SEMA6D: variants seen among roughly 807,000 people sequenced by gnomAD.
SEMA6D encodes the protein semaphorin 6D.
SEMA6D carries 35 observed loss-of-function variants against 106.6 expected under a neutral mutation model. That is an observed-to-expected ratio of 0.33 (90% CI 0.25 to 0.44). The LOEUF (loss-of-function observed/expected upper bound fraction) is 0.44, where lower values mean the gene tolerates loss of function less well. Ranked by LOEUF, SEMA6D falls within the 20% of genes least tolerant of loss-of-function variation. SEMA6D has a pLI of 1.00. For synonymous variants in SEMA6D, 499 were observed against 487.7 expected (o/e 1.02, Z -0.31); for missense variants, 1,185 against 1,345.9 (o/e 0.88, Z 1.87).
chr15:47,317,540 C>G (rs960913196), intron 1 of SEMA6D, among the ~76,000 whole-genome samples: 3 of 152,138 alleles, frequency 2.0e-5, no homozygotes, highest in Non-Finnish European at 4.4e-5. Context: ...TCTTACAAGG[C>G]AGGTCTACTG....
At chr15:47,214,220 G>A (rs1243159328) in intron 1 of SEMA6D, among the ~76,000 whole-genome samples, 1 of 152,166 alleles carries the variant, frequency 6.6e-6, no homozygotes, top group Non-Finnish European at 1.5e-5. Flanking sequence ...TAATTAGACT[G>A]TTTAAGTGTA....
chr15:47,553,758 T>A (rs1188596327), intron 3 of SEMA6D, among the ~76,000 whole-genome samples: 1 of 151,878 alleles, frequency 6.6e-6, no homozygotes, highest in Non-Finnish European at 1.5e-5. Flanking sequence ...AAAAAAAAAA[T>A]TAAATGTCTG....
intron 1 of SEMA6D, among the ~76,000 whole-genome samples, chr15:47,193,307 C>T (rs1211514144): frequency 2.6e-5 from 4 of 152,142 alleles, no homozygotes; most frequent in South Asian, 2.1e-4. Flanking sequence ...ATACGAAATG[C>T]TCCAAGATCT....
At chr15:47,379,712 T>C (rs1346078286) in intron 1 of SEMA6D, among the ~76,000 whole-genome samples, 1 of 152,194 alleles carries the variant, frequency 6.6e-6, no homozygotes, top group African/African-American at 2.4e-5. Flanking sequence ...ACATGAAATG[T>C]AAAGTGCTGA....
chr15:47,277,609 A>ATTAT (rs1555414606), intron 1 of SEMA6D, among the ~76,000 whole-genome samples: 3,977 of 128,560 alleles, frequency 0.031, 97 homozygotes, highest in South Asian at 0.12. Context: ...TATTATTATT[A>ATTAT]TTATTTATTA....
chr15:47,581,125 T>C (rs1242759635), intron 3 of SEMA6D, among the ~76,000 whole-genome samples: 1 of 152,188 alleles, frequency 6.6e-6, no homozygotes, highest in Non-Finnish European at 1.5e-5. Flanking sequence ...ACTTCAGATC[T>C]TTTTCAGGGT....
intron 3 of SEMA6D, among the ~76,000 whole-genome samples, chr15:47,595,253 C>A (rs972642051): frequency 1.3e-5 from 2 of 152,048 alleles, no homozygotes; most frequent in African/African-American, 4.8e-5. Context: ...TCCTTCCATA[C>A]CTAGTTTGTT....
intron 1 of SEMA6D, among the ~76,000 whole-genome samples, chr15:47,327,023 G>A (rs868716543): frequency 6.6e-6 from 1 of 152,164 alleles, no homozygotes; most frequent in African/African-American, 2.4e-5. Context: ...CCAGAGACAG[G>A]TGAGACTGTG....
chr15:47,749,780 A>G (rs1354882591), intron 1 of SEMA6D, among the ~76,000 whole-genome samples: 4 of 152,194 alleles, frequency 2.6e-5, no homozygotes, highest in Non-Finnish European at 5.9e-5. Flanking sequence ...GGTAGTGAAG[A>G]AGGTAAGTGT....
intron 1 of SEMA6D, among the ~76,000 whole-genome samples, chr15:47,267,081 C>A (rs1156385378): frequency 6.6e-6 from 1 of 152,082 alleles, no homozygotes; most frequent in Non-Finnish European, 1.5e-5. Flanking sequence ...TTTTGCTTTA[C>A]GCCTTGGTTG....
At chr15:47,391,031 T>A (rs1004959486) in intron 1 of SEMA6D, among the ~76,000 whole-genome samples, 1 of 152,218 alleles carries the variant, frequency 6.6e-6, no homozygotes, top group Non-Finnish European at 1.5e-5. Context: ...CTTTCCTTCC[T>A]GAATTTGGCC....
At chr15:47,400,550 C>T (rs1394857232) in intron 1 of SEMA6D, among the ~76,000 whole-genome samples, 1 of 151,470 alleles carries the variant, frequency 6.6e-6, no homozygotes, top group Non-Finnish European at 1.5e-5. Context: ...TGCTATGAGG[C>T]AGGCATTATT....
At chr15:47,343,934 A>G (rs548843362) in intron 1 of SEMA6D, among the ~76,000 whole-genome samples, 2 of 152,366 alleles carry the variant, frequency 1.3e-5, no homozygotes, top group East Asian at 3.9e-4. Context: ...GGGTATGAAC[A>G]GACACTCCTC....
At chr15:47,539,675 C>T (rs574323241) in intron 3 of SEMA6D, among the ~76,000 whole-genome samples, 3 of 152,192 alleles carry the variant, frequency 2.0e-5, no homozygotes, top group Non-Finnish European at 2.9e-5. Flanking sequence ...CACCCACCTT[C>T]GCCTCCCAAC....
chr15:47,229,350 C>A (rs1258635278), intron 1 of SEMA6D, among the ~76,000 whole-genome samples: 1 of 151,780 alleles, frequency 6.6e-6, no homozygotes, highest in African/African-American at 2.4e-5. Context: ...ATCTAGGTGC[C>A]CTGTGGTGTG....
chr15:47,553,719 G>A (rs1489218286), intron 3 of SEMA6D, among the ~76,000 whole-genome samples: 1 of 151,922 alleles, frequency 6.6e-6, no homozygotes, highest in Non-Finnish European at 1.5e-5. Context: ...CTTAAGCAGG[G>A]CATTTCAGTG....
Position 47,523,889 on chromosome 15 carries a change from G to C in SEMA6D, c.-87+53344G>C, listed in dbSNP as rs2141971126. Among the ~76,000 whole-genome samples, 3 of 152,296 alleles carry C rather than the reference G, an allele frequency of 2.0e-5. No homozygotes were observed. The East Asian group carries it at 5.8e-4, about 29-fold the overall frequency. On this transcript the variant is annotated intron_variant, in intron 3 of 19. Coordinates refer to the SEMA6D transcript ENST00000558014. ...CATTACATCATTATGTGGTAACTCA[G>C]AACTCCAGTGGCACATTATCAGAGC...
At chr15:47,264,738 T>TAGCATCATA (rs2034237750) in intron 1 of SEMA6D, among the ~76,000 whole-genome samples, 1 of 152,022 alleles carries the variant, frequency 6.6e-6, no homozygotes, top group African/African-American at 2.4e-5. Flanking sequence ...TACCTGTGGG[T>TAGCATCATA]TTTTCATTAA....
intron 1 of SEMA6D, among the ~76,000 whole-genome samples, chr15:47,368,293 C>G (rs1454458330): frequency 6.6e-6 from 1 of 152,154 alleles, no homozygotes; most frequent in East Asian, 1.9e-4. Context: ...CCTTGAGTCT[C>G]ATAGCCATAA....
Sources: gnomAD v4.1 joint callset for allele counts (sites outside exome capture counted in the v4.1 genomes callset) on GRCh38, gnomAD v4.1.1 for gene constraint, MANE v1.5 for transcripts, NCBI Gene and HGNC (gene_info 2026-07-23, HGNC 2026-07-21) for gene names.